The following TSPAN31 variants were observed in gnomAD, a reference collection of about 807,000 sequenced individuals.
TSPAN31 encodes tetraspanin 31.
Under a neutral mutation model 24.8 loss-of-function variants are expected in TSPAN31, and 16 were observed. That is an observed-to-expected ratio of 0.64 (90% CI 0.44 to 0.98). The LOEUF (loss-of-function observed/expected upper bound fraction) is 0.98. Among genes scored for constraint, TSPAN31 ranks in the 50% least tolerant of loss-of-function variants. The probability of loss-of-function intolerance (pLI) is 0.00; values close to 1 mark genes in which losing one functional copy is unlikely to be tolerated. For missense variants in TSPAN31, 209 were observed against 251.6 expected, an observed-to-expected ratio of 0.83 and a Z score of 1.15; for synonymous variants, 87 against 91.4, an observed-to-expected ratio of 0.95 and a Z score of 0.27.
chr12:57,746,334 C>G, intron 3 of TSPAN31, 78 bp downstream of exon 3: 1 of 1,356,580 alleles, frequency 7.4e-7, no homozygotes, highest in Non-Finnish European at 1.1e-6. Flanking sequence ...CTTAGTCTGG[C>G]CCCAACTACC....
chr12:57,745,084 G>T lies in TSPAN31; in HGVS notation c.-71G>T. 7.0e-7 allele frequency: 1 copy of T among 1,425,484 alleles called. No homozygotes were observed. The highest frequency in any genetic ancestry group is 9.7e-7 in the Non-Finnish European group (1 of 1,031,810). 88.3% of individuals were successfully genotyped at this position (1,425,484 alleles called of 1,614,324 possible). A position where few individuals can be genotyped will look rare whatever the true frequency, so the allele number is the denominator to read the frequency against. On this transcript the variant is annotated 5_prime_UTR_variant, in exon 1 of 6. Coordinates refer to ENST00000257910, the MANE Select transcript of TSPAN31 (RefSeq NM_005981.5). ...ATTTAAAGAGACAGAAGCTGTCGGG[G>T]TCCTGGAAGACGGTCCCCAATACCC... is the stretch of plus-strand genomic sequence containing the variant.
In TSPAN31 at chr12:57,748,594, G is replaced by T; in HGVS notation, c.*1304G>T. 1 of 1,613,812 alleles carries T rather than the reference G, an allele frequency of 6.2e-7. No homozygotes were observed. Among genetic ancestry groups the T allele is most frequent in the East Asian group, 2.2e-5 (1 of 44,886 alleles). On this transcript the variant is annotated 3_prime_UTR_variant, in exon 6 of 6. Coordinates refer to ENST00000257910, the MANE Select transcript of TSPAN31 (RefSeq NM_005981.5). ...GAGCTCGAAAGGCAGAGATTCGCTT[G>T]TGTGGGTTAAAAGTCAGCATTTCCT...
rs755073210 is a variant in TSPAN31 at position 57,748,685 on chromosome 12, TG to T, written c.*1398del. On this transcript the variant is annotated 3_prime_UTR_variant, in exon 6 of 6. Coordinates refer to ENST00000257910, the MANE Select transcript of TSPAN31 (RefSeq NM_005981.5). ...ACTTCTGCCCACCCACAACAATACC[TG>T]GGATGAGCTTTCTTCTTTTTTCTTT... The T allele has an allele frequency of 1.0e-6, 1 of 999,470 alleles. No homozygotes were observed. The highest frequency in any genetic ancestry group is 2.1e-4 in the Middle Eastern group (1 of 4,712). 61.9% of individuals were successfully genotyped at this position (999,470 alleles called of 1,614,324 possible). A position where few individuals can be genotyped will look rare whatever the true frequency, so the allele number is the denominator to read the frequency against.
chr12:57,746,854 GT>G, intron 4 of TSPAN31, 134 bp downstream of exon 4: 1 of 1,419,174 alleles, frequency 7.0e-7, no homozygotes, highest in Non-Finnish European at 9.7e-7. Context: ...GGCTGTGTTG[GT>G]GGGAGGTGGG....
intron 3 of TSPAN31, 74 bp from the exon 4 acceptor site, chr12:57,746,515 C>T (rs777015747): frequency 3.4e-4 from 541 of 1,577,244 alleles, no homozygotes; most frequent in Non-Finnish European, 3.0e-4. Flanking sequence ...CTTTGCTGGG[C>T]TAGGGAAATT....
At position 57,747,431 on chromosome 12, in the gene TSPAN31, C is replaced by T; in HGVS notation, c.*141C>T. On this transcript the variant is annotated 3_prime_UTR_variant, in exon 6 of 6. Transcript: ENST00000257910. The stretch of plus-strand genomic sequence containing the variant: ...ACATCCTCTAAAATTGATGGAATAG[C>T]AAGACTTTATGCCTTGACATATTTT... 1 of 696,624 alleles carries T rather than the reference C, an allele frequency of 1.4e-6. No homozygotes were observed. Among genetic ancestry groups the T allele is most frequent in the South Asian group, 1.9e-5 (1 of 51,902 alleles). 43.2% of individuals were successfully genotyped at this position (696,624 alleles called of 1,614,324 possible).
Position 57,747,480 on chromosome 12 carries a change from TA to T in TSPAN31, c.*194del. The T allele has an allele frequency of 1.7e-6, 1 of 575,722 alleles. No individual in the cohort carries two copies. Among genetic ancestry groups the T allele is most frequent in the Non-Finnish European group, 3.1e-6 (1 of 326,720 alleles). The allele number at this position is 575,722 out of a possible 1,614,324, so 35.7% of individuals were successfully genotyped here. ...TTAGTGGGAGCCAGACTATAAGGAA[TA>T]AAAGGAAAAACTTTCTTCCTCTCTC... On this transcript the variant is annotated 3_prime_UTR_variant, in exon 6 of 6. Transcript: ENST00000257910.
Position 57,749,573 on chromosome 12 carries a change from G to A in TSPAN31, c.*2283G>A. 6.8e-7 allele frequency: 1 copy of A among 1,464,464 alleles called. No homozygotes were observed. Among genetic ancestry groups the A allele is most frequent in the East Asian group, 2.3e-5 (1 of 43,700 alleles). 90.7% of individuals were successfully genotyped at this position (1,464,464 alleles called of 1,614,324 possible). On this transcript the variant is annotated 3_prime_UTR_variant, in exon 6 of 6. Coordinates refer to ENST00000257910, the MANE Select transcript of TSPAN31 (RefSeq NM_005981.5). ...ATCTTAGTTGAATGGTTACTGCTTAGTGGCTCAAAATAGGAAGTATAGGGA... is the reference window on the plus strand; with the variant it reads ...ATCTTAGTTGAATGGTTACTGCTTAATGGCTCAAAATAGGAAGTATAGGGA...
rs1955188857 is a variant in TSPAN31, at chr12:57,748,648, TG to T, written c.*1359del. 4.1e-6 allele frequency: 6 copies of T among 1,474,568 alleles called. No homozygotes were observed. The South Asian group carries it at 6.8e-5, about 17-fold the overall frequency. 91.3% of individuals were successfully genotyped at this position (1,474,568 alleles called of 1,614,324 possible). On this transcript the variant is annotated 3_prime_UTR_variant, in exon 6 of 6. Coordinates refer to ENST00000257910, the MANE Select transcript of TSPAN31 (RefSeq NM_005981.5). The stretch of plus-strand genomic sequence containing the variant: ...GGGAGAGGCAAAGGTCAGAAAACCA[TG>T]AAGAAAACAGACTTCTGCCCACCCA...
At position 57,747,247 on chromosome 12, in the gene TSPAN31, G is replaced by A. The variant is rs533119646; in HGVS notation, c.590G>A (p.Arg197Gln). ...ILGVWLAMRF[R>Q]NQKDPRANPS... ...GGTGTTTGGCTAGCAATGAGATTTCGGAATCAGAAGGATCCTAGAGCCAAC... is the reference window on the plus strand; with the variant it reads ...GGTGTTTGGCTAGCAATGAGATTTCAGAATCAGAAGGATCCTAGAGCCAAC... Residue 197 changes from arginine (R) to glutamine (Q), a missense_variant, in exon 6 of 6, where the codon CGG (arginine) becomes CAG (glutamine). Physicochemically the swap from Arg to Gln is conservative, Grantham distance 43 (BLOSUM62 1). Coordinates refer to ENST00000257910, the MANE Select transcript of TSPAN31 (RefSeq NM_005981.5). 8.7e-6 allele frequency: 14 copies of A among 1,614,094 alleles called. No homozygotes were observed. The highest frequency in any genetic ancestry group is 2.2e-5 in the South Asian group (2 of 91,070).
rs1358878722 is a variant in TSPAN31 at position 57,749,217 on chromosome 12, G to T, written c.*1927G>T. 1 of 1,613,992 alleles carries T rather than the reference G, an allele frequency of 6.2e-7. No individual in the cohort carries two copies. The highest frequency in any genetic ancestry group is 2.2e-5 in the East Asian group (1 of 44,886). On this transcript the variant is annotated 3_prime_UTR_variant, in exon 6 of 6. Transcript: ENST00000257910. ...TGTGCTCCCGACTCCTCCATCTCAG[G>T]TACCACCGACTGCACTGGGCGGGGC...
In TSPAN31 at chr12:57,749,372, G is replaced by C. The variant is rs2140383436; in HGVS notation, c.*2082G>C. 1 of 1,613,600 alleles carries C rather than the reference G, an allele frequency of 6.2e-7. No homozygotes were observed. Among genetic ancestry groups the C allele is most frequent in the Non-Finnish European group, 8.5e-7 (1 of 1,179,512 alleles). On this transcript the variant is annotated 3_prime_UTR_variant, in exon 6 of 6. Transcript: ENST00000257910. ...AGGGTCCTCCAGTTCCCATCCCCAT[G>C]GGCAGAGCCAGTTGCCATCCTGGGT...
chr12:57,746,932 T>C, intron 4 of TSPAN31, 86 bp from the exon 5 acceptor site: 1 of 1,410,936 alleles, frequency 7.1e-7, no homozygotes, highest in South Asian at 1.2e-5. Flanking sequence ...CAGATAACAG[T>C]AAAGTTTCTA....
rs1320375550 is a variant in TSPAN31, at chr12:57,745,600, C to T, written c.64-145C>T. 6.9e-6 allele frequency: 7 copies of T among 1,018,482 alleles called. No individual in the cohort carries two copies. In the African/African-American group the frequency reaches 9.7e-5, roughly 14 times the overall value. 63.1% of individuals were successfully genotyped at this position (1,018,482 alleles called of 1,614,324 possible). On this transcript the variant is annotated intron_variant, in intron 1 of 5. Transcript: ENST00000257910. ...CTTTGGGAGTGCCTAGGGATGCTCC[C>T]GGTGCGGATAGCACCATCCCCAGCT...
In TSPAN31 at chr12:57,747,473, T is replaced by C. The variant is rs569760208; in HGVS notation, c.*183T>C. The C allele has an allele frequency of 1.0e-3, 597 of 590,224 alleles. 7 individuals carry two copies. The South Asian group carries it at 0.012, about 12-fold the overall frequency. 36.6% of individuals were successfully genotyped at this position (590,224 alleles called of 1,614,324 possible). A position where few individuals can be genotyped will look rare whatever the true frequency, so the allele number is the denominator to read the frequency against. On this transcript the variant is annotated 3_prime_UTR_variant, in exon 6 of 6. Coordinates refer to ENST00000257910, the MANE Select transcript of TSPAN31 (RefSeq NM_005981.5). The stretch of plus-strand genomic sequence containing the variant: ...ACATATTTTAGTGGGAGCCAGACTA[T>C]AAGGAATAAAAGGAAAAACTTTCTT...
chr12:57,749,603 A>G lies in TSPAN31; in HGVS notation c.*2313A>G, dbSNP rs193231432. 9.5e-3 allele frequency: 11,193 copies of G among 1,177,316 alleles called. 79 individuals are homozygous for G. Among genetic ancestry groups the G allele is most frequent in the Non-Finnish European group, 0.013 (10,116 of 795,874 alleles). The allele number at this position is 1,177,316 out of a possible 1,614,324, so 72.9% of individuals were successfully genotyped here. A position where few individuals can be genotyped will look rare whatever the true frequency, so the allele number is the denominator to read the frequency against. On this transcript the variant is annotated 3_prime_UTR_variant, in exon 6 of 6. Coordinates refer to ENST00000257910, the MANE Select transcript of TSPAN31 (RefSeq NM_005981.5). ...TCAAAATAGGAAGTATAGGGAATAAAGGCCAACAATTCCAGCACTTTGGGA... is the reference window on the plus strand; with the variant it reads ...TCAAAATAGGAAGTATAGGGAATAAGGGCCAACAATTCCAGCACTTTGGGA...
At position 57,750,153 on chromosome 12, in the gene TSPAN31, CAATAAATAAATAAATAAATAAATAAATA is replaced by C. The variant is rs140233512; in HGVS notation, c.*2882_*2909del. 16 of 142,042 alleles carry C rather than the reference CAATAAATAAATAAATAAATAAATAAATA, an allele frequency of 1.1e-4. No individual in the cohort carries two copies. The highest frequency in any genetic ancestry group is 3.7e-4 in the African/African-American group (14 of 38,086). 8.8% of individuals were successfully genotyped at this position (142,042 alleles called of 1,614,324 possible). A position where few individuals can be genotyped will look rare whatever the true frequency, so the allele number is the denominator to read the frequency against. On this transcript the variant is annotated 3_prime_UTR_variant, in exon 6 of 6. Coordinates refer to ENST00000257910, the MANE Select transcript of TSPAN31 (RefSeq NM_005981.5). The stretch of plus-strand genomic sequence containing the variant: ...TGGGTGACAGAGTGAAACCTTATCT[CAATAAATAAATAAATAAATAAATAAATA>C]AATAAATAAATAAATAAAAAATAAA...
chr12:57,749,210 A>G lies in TSPAN31; in HGVS notation c.*1920A>G, dbSNP rs2140382706. 1 of 1,613,892 alleles carries G rather than the reference A, an allele frequency of 6.2e-7. No individual in the cohort carries two copies. Among genetic ancestry groups the G allele is most frequent in the Non-Finnish European group, 8.5e-7 (1 of 1,179,860 alleles). On this transcript the variant is annotated 3_prime_UTR_variant, in exon 6 of 6. Coordinates refer to ENST00000257910, the MANE Select transcript of TSPAN31 (RefSeq NM_005981.5). ...CAGCAGCTGTGCTCCCGACTCCTCC[A>G]TCTCAGGTACCACCGACTGCACTGG...
rs1955212538 is a variant in TSPAN31 at position 57,749,900 on chromosome 12, G to A, written c.*2610G>A. On this transcript the variant is annotated 3_prime_UTR_variant, in exon 6 of 6. Coordinates refer to ENST00000257910, the MANE Select transcript of TSPAN31 (RefSeq NM_005981.5). ...TGGTCCCAGCTACTTGGGAGGCTGA[G>A]TCAAGAGAATTGCTTGAATCTGGGA... is the stretch of plus-strand genomic sequence containing the variant. The A allele has an allele frequency of 1.0e-5, 3 of 290,046 alleles. No individual in the cohort carries two copies. Among genetic ancestry groups the A allele is most frequent in the East Asian group, 1.8e-4 (2 of 10,916 alleles). 18.0% of individuals were successfully genotyped at this position (290,046 alleles called of 1,614,324 possible).
Sources: gnomAD v4.1 joint callset for allele counts on GRCh38, gnomAD v4.1.1 for gene constraint, MANE v1.5 for transcripts, NCBI Gene and HGNC (gene_info 2026-07-23, HGNC 2026-07-21) for gene names.